Variants in FAM227B observed in about 807,000 individuals in gnomAD.
FAM227B encodes protein FAM227B.
In FAM227B, 88 loss-of-function variants were observed where a neutral mutation model predicts 73.8. The observed-to-expected ratio is 1.19, with a 90% CI of 1.00 to 1.42. FAM227B has a LOEUF of 1.42. FAM227B is among the 40% of genes most tolerant of loss of function. The probability of loss-of-function intolerance (pLI) is 0.00; values close to 1 mark genes in which losing one functional copy is unlikely to be tolerated. For missense variants in FAM227B, 632 were observed against 590.9 expected, an observed-to-expected ratio of 1.07 and a Z score of -0.72; for synonymous variants, 210 against 190.5, an observed-to-expected ratio of 1.10 and a Z score of -0.84.
intron 5 of FAM227B, among the ~76,000 whole-genome samples, 178 bp from the exon 6 acceptor site, chr15:49,577,842 C>T (rs1316352803): frequency 6.6e-6 from 1 of 151,982 alleles, no homozygotes; most frequent in Non-Finnish European, 1.5e-5. Flanking sequence ...TGGCCTTTGC[C>T]CTCAAACTAG....
intron 9 of FAM227B, among the ~76,000 whole-genome samples, chr15:49,550,974 C>T (rs2072904025): frequency 6.6e-6 from 1 of 152,216 alleles, no homozygotes; most frequent in Non-Finnish European, 1.5e-5. Flanking sequence ...CACACCACTG[C>T]ACTCCAGCCT....
chr15:49,431,415 G>C (rs2050607394), intron 11 of FAM227B, among the ~76,000 whole-genome samples: 1 of 151,776 alleles, frequency 6.6e-6, no homozygotes, highest in East Asian at 1.9e-4. Flanking sequence ...TGTATGAAAG[G>C]GTTTGTGTAG....
At chr15:49,342,406 A>G (rs561031678) in intron 13 of FAM227B, among the ~76,000 whole-genome samples, 1 of 152,064 alleles carries the variant, frequency 6.6e-6, no homozygotes, top group South Asian at 2.1e-4. Flanking sequence ...CTTTAATTTG[A>G]GCCTAGGGGT....
chr15:49,337,508 CTTTTTTTT>C (rs33973907), intron 13 of FAM227B, among the ~76,000 whole-genome samples: 6 of 36,082 alleles, frequency 1.7e-4, no homozygotes, highest in African/African-American at 7.4e-4. Context: ...CATTTACCCA[CTTTTTTTT>C]TTTTTTTTTT....
chr15:49,555,874 T>C (rs1250296387), intron 9 of FAM227B, among the ~76,000 whole-genome samples: 1 of 152,238 alleles, frequency 6.6e-6, no homozygotes, highest in Non-Finnish European at 1.5e-5. Context: ...ATTCTTGAAG[T>C]GCGTTTTTCA....
At chr15:49,373,539 T>A (rs1294769016) in intron 11 of FAM227B, among the ~76,000 whole-genome samples, 1 of 106,562 alleles carries the variant, frequency 9.4e-6, no homozygotes. Flanking sequence ...TGACTCTATC[T>A]GATAAAACTA....
At position 49,328,187 on chromosome 15, in the gene FAM227B, A is replaced by C. The variant is rs768167821; in HGVS notation, c.*381T>G. Reference sequence around the variant, plus strand: ...AAATGTAAAAAGTCTGAGAGAAACTACTTAGGGCACTTAGGAATTGGCAGG... The same window carrying C: ...AAATGTAAAAAGTCTGAGAGAAACTCCTTAGGGCACTTAGGAATTGGCAGG... On this transcript the variant is annotated 3_prime_UTR_variant, in exon 16 of 16. Coordinates refer to ENST00000299338, the MANE Select transcript of FAM227B (RefSeq NM_152647.3). The C allele has an allele frequency of 1.3e-6, 2 of 1,582,634 alleles. No individual in the cohort carries two copies. The highest frequency in any genetic ancestry group is 1.7e-6 in the Non-Finnish European group (2 of 1,162,440).
chr15:49,437,846 TG>T (rs2051251753), intron 11 of FAM227B, among the ~76,000 whole-genome samples: 2 of 151,668 alleles, frequency 1.3e-5, no homozygotes, highest in African/African-American at 4.8e-5. Context: ...GTAAGTACTG[TG>T]AAAAAGGTAT....
chr15:49,577,566 C>T (rs2075534563), intron 6 of FAM227B, 63 bp downstream of exon 6: 1 of 1,007,650 alleles, frequency 9.9e-7, no homozygotes, highest in Admixed American at 2.4e-5. Flanking sequence ...TTGTTGTAAA[C>T]ATTATTTTAG....
chr15:49,529,964 G>A (rs527654848), intron 10 of FAM227B, among the ~76,000 whole-genome samples: 36 of 151,664 alleles, frequency 2.4e-4, no homozygotes, highest in Non-Finnish European at 4.7e-4. Context: ...TTATTGCTGA[G>A]TAGTTTTCCA....
At chr15:49,548,637 G>A (rs1342166975) in intron 9 of FAM227B, among the ~76,000 whole-genome samples, 2 of 152,168 alleles carry the variant, frequency 1.3e-5, no homozygotes, top group East Asian at 3.9e-4. Flanking sequence ...GAATTCAGCA[G>A]TGAAGCCAGC....
intron 11 of FAM227B, among the ~76,000 whole-genome samples, chr15:49,449,688 T>C (rs1003088656): frequency 1.3e-5 from 2 of 152,092 alleles, no homozygotes; most frequent in Non-Finnish European, 2.9e-5. Context: ...TTCAGATGAA[T>C]TGCTGCCAAG....
intron 10 of FAM227B, among the ~76,000 whole-genome samples, chr15:49,541,388 G>T (rs181407532): frequency 6.4e-4 from 98 of 152,022 alleles, no homozygotes; most frequent in African/African-American, 2.3e-3. Flanking sequence ...AAACATGTAT[G>T]GTCCAAATAT....
chr15:49,450,259 C>T (rs1055167371), intron 11 of FAM227B, among the ~76,000 whole-genome samples: 1 of 151,976 alleles, frequency 6.6e-6, no homozygotes, highest in African/African-American at 2.4e-5. Context: ...GTTCATTTCC[C>T]TCCTCATCAT....
chr15:49,492,696 T>C (rs2057224414), intron 11 of FAM227B, among the ~76,000 whole-genome samples: 1 of 151,944 alleles, frequency 6.6e-6, no homozygotes, highest in Non-Finnish European at 1.5e-5. Flanking sequence ...GCCTTAATGT[T>C]ATTAAGGTTA....
At chr15:49,500,530 G>T (rs1322602072) in intron 11 of FAM227B, among the ~76,000 whole-genome samples, 2 of 152,280 alleles carry the variant, frequency 1.3e-5, no homozygotes, top group East Asian at 1.9e-4. Flanking sequence ...GATCATCAGA[G>T]AAATTAAAAT....
chr15:49,397,149 T>A (rs2047737963), intron 11 of FAM227B, among the ~76,000 whole-genome samples: 1 of 151,978 alleles, frequency 6.6e-6, no homozygotes, highest in Admixed American at 6.6e-5. Context: ...GAGAAGTGCT[T>A]AAAGGAGCTG....
chr15:49,550,445 ACGGGGTGACTG>A (rs1432988827), intron 9 of FAM227B, among the ~76,000 whole-genome samples: 1 of 150,938 alleles, frequency 6.6e-6, no homozygotes, highest in African/African-American at 2.4e-5. Flanking sequence ...CACTTCCCAG[ACGGGGTGACTG>A]CCAGGCGGAG....
rs576033086 is a variant in FAM227B at position 49,590,103 on chromosome 15, T to C, written c.106-96A>G. 8.9e-6 allele frequency: 6 copies of C among 672,348 alleles called. No individual in the cohort carries two copies. The East Asian group carries it at 1.7e-4, about 19-fold the overall frequency. The allele number at this position is 672,348 out of a possible 1,614,324, so 41.6% of individuals were successfully genotyped here. A position where few individuals can be genotyped will look rare whatever the true frequency, so the allele number is the denominator to read the frequency against. On this transcript the variant is annotated intron_variant, in intron 3 of 15. Coordinates refer to ENST00000299338, the MANE Select transcript of FAM227B (RefSeq NM_152647.3). ...CCAATGAGCTATAATCGAGATTTTA[T>C]TCCACAGCATTGTTTTTTATCACTT... is the stretch of plus-strand genomic sequence containing the variant.
Sources: gnomAD v4.1 joint callset for allele counts (sites outside exome capture counted in the v4.1 genomes callset) on GRCh38, gnomAD v4.1.1 for gene constraint, MANE v1.5 for transcripts, NCBI Gene and HGNC (gene_info 2026-07-23, HGNC 2026-07-21) for gene names.